SCN2A: variants seen among roughly 807,000 people sequenced by gnomAD.
SCN2A encodes sodium channel protein type 2 subunit alpha.
SCN2A carries 20 observed loss-of-function variants against 188.7 expected under a neutral mutation model. The ratio of observed to expected loss-of-function variants is 0.11; its 90% CI spans 0.07 to 0.15. The LOEUF (loss-of-function observed/expected upper bound fraction) is 0.15. Among genes scored for constraint, SCN2A ranks in the 10% least tolerant of loss-of-function variants. The probability of loss-of-function intolerance (pLI) is 1.00; values close to 1 mark genes in which losing one functional copy is unlikely to be tolerated. For missense variants in SCN2A, 1,278 were observed against 2,445.0 expected, an observed-to-expected ratio of 0.52 and a Z score of 10.07; for synonymous variants, 804 against 833.1, an observed-to-expected ratio of 0.97 and a Z score of 0.60.
At chr2:165,374,588 T>G in intron 21 of SCN2A, 97 bp from the exon 22 acceptor site, 1 of 1,366,238 alleles carries the variant, frequency 7.3e-7, no homozygotes, top group South Asian at 1.2e-5. Flanking sequence ...TGAAACAGAT[T>G]TTTTTAATCA....
chr2:165,257,090 C>T (rs1156739656), intron 1 of SCN2A, among the ~76,000 whole-genome samples: 3 of 152,130 alleles, frequency 2.0e-5, no homozygotes, highest in Admixed American at 6.5e-5. Context: ...TGGGAACTGA[C>T]GCATCATTTC....
Position 165,295,727 on chromosome 2 carries a change from T to G in SCN2A, c.-51-46T>G, listed in dbSNP as rs369106481. The G allele has an allele frequency of 6.1e-5, 95 of 1,569,482 alleles. No homozygotes were observed. The East Asian group carries it at 8.1e-4, about 13-fold the overall frequency. On this transcript the variant is annotated intron_variant, in intron 1 of 26. Coordinates refer to ENST00000375437, the MANE Select transcript of SCN2A (RefSeq NM_001040142.2). Reference sequence around the variant, plus strand: ...GTGTCATGTAACTGACACAATCACCTTTTATTCTAATGGTCATTGCTTTTT... The same window carrying G: ...GTGTCATGTAACTGACACAATCACCGTTTATTCTAATGGTCATTGCTTTTT...
chr2:165,258,402 A>ATTGTTTAT (rs1301119241), intron 1 of SCN2A, among the ~76,000 whole-genome samples: 16 of 152,298 alleles, frequency 1.1e-4, no homozygotes, highest in African/African-American at 3.6e-4. Flanking sequence ...TTATCCCAGC[A>ATTGTTTAT]TTGTTTATTA....
chr2:165,388,175 A>G (rs1701969532), intron 26 of SCN2A, among the ~76,000 whole-genome samples: 1 of 152,130 alleles, frequency 6.6e-6, no homozygotes, highest in East Asian at 1.9e-4. Flanking sequence ...TCCAAAGCCT[A>G]TGTTTTCTTC....
intron 1 of SCN2A, chr2:165,290,800 T>C (rs1485089651): frequency 1.0e-6 from 1 of 984,526 alleles, no homozygotes; most frequent in Non-Finnish European, 1.2e-6. Flanking sequence ...GTATCTTGCC[T>C]GGCCAGTATA....
At chr2:165,344,173 G>T (rs1304110076) in intron 15 of SCN2A, among the ~76,000 whole-genome samples, 1 of 151,984 alleles carries the variant, frequency 6.6e-6, no homozygotes, top group African/African-American at 2.4e-5. Context: ...AAAATTTGGT[G>T]TATCTTATTA....
chr2:165,268,492 T>C (rs1694972005), intron 1 of SCN2A: 1 of 151,928 alleles, frequency 6.6e-6, no homozygotes, highest in Admixed American at 6.6e-5. Flanking sequence ...TATCCCTTTA[T>C]GGTAAAAAAT....
intron 17 of SCN2A, among the ~76,000 whole-genome samples, chr2:165,356,997 G>T (rs1189812628): frequency 6.6e-6 from 1 of 152,180 alleles, no homozygotes; most frequent in Non-Finnish European, 1.5e-5. Flanking sequence ...TTTATTGCTT[G>T]AGTTGTGGAG....
At chr2:165,345,033 C>T (rs550277120) in intron 16 of SCN2A, 122 bp downstream of exon 16, 1 of 1,236,956 alleles carries the variant, frequency 8.1e-7, no homozygotes, top group Non-Finnish European at 1.2e-6. Context: ...GTCTATTACT[C>T]ATGACTGTAA....
intron 16 of SCN2A, among the ~76,000 whole-genome samples, chr2:165,347,178 A>G (rs1699637832): frequency 6.6e-6 from 1 of 152,218 alleles, no homozygotes; most frequent in African/African-American, 2.4e-5. Context: ...AATAGCAAAG[A>G]TTTGGAACCA....
At chr2:165,285,643 C>T (rs922221294) in intron 1 of SCN2A, 3 of 252,284 alleles carry the variant, frequency 1.2e-5, no homozygotes, top group African/African-American at 4.6e-5. Context: ...GGTCAAGAAA[C>T]TGAAGTGGCT....
At chr2:165,267,138 T>A (rs1357076333) in intron 1 of SCN2A, 2 of 152,000 alleles carry the variant, frequency 1.3e-5, no homozygotes. Context: ...ATAATAGATA[T>A]TTTTTAAATC....
At chr2:165,369,202 G>A (rs1188630613) in intron 19 of SCN2A, among the ~76,000 whole-genome samples, 1 of 152,078 alleles carries the variant, frequency 6.6e-6, no homozygotes, top group East Asian at 1.9e-4. Flanking sequence ...GTGCTGGAAC[G>A]ACGGGCGTGA....
chr2:165,246,662 G>GT (rs961157847), intron 1 of SCN2A, among the ~76,000 whole-genome samples: 25 of 152,064 alleles, frequency 1.6e-4, no homozygotes, highest in African/African-American at 5.8e-4. Context: ...TCCGCTCAGT[G>GT]TTTTTTTGTT....
intron 3 of SCN2A, among the ~76,000 whole-genome samples, chr2:165,303,126 A>G (rs553145596): frequency 2.0e-5 from 3 of 152,196 alleles, no homozygotes; most frequent in Admixed American, 6.5e-5. Flanking sequence ...AAAATAATAT[A>G]GGATGTATGC....
intron 7 of SCN2A, chr2:165,310,850 TA>T (rs1697386337): frequency 4.6e-6 from 1 of 217,942 alleles, no homozygotes; most frequent in Non-Finnish European, 9.0e-6. Flanking sequence ...TATGCCATAT[TA>T]AAAAATGTTT....
At chr2:165,269,134 T>C (rs1378880785) in intron 1 of SCN2A, 1 of 152,044 alleles carries the variant, frequency 6.6e-6, no homozygotes, top group African/African-American at 2.4e-5. Flanking sequence ...AAAATTGCTA[T>C]GTGTCGATTT....
intron 23 of SCN2A, among the ~76,000 whole-genome samples, chr2:165,378,360 CAGAG>C (rs1003619588): frequency 6.7e-6 from 1 of 149,016 alleles, no homozygotes; most frequent in African/African-American, 2.5e-5. Context: ...TTCATAAAAA[CAGAG>C]AGGGAGCAAG....
chr2:165,380,553 G>A (rs1283908029), intron 23 of SCN2A, 39 bp from the exon 24 acceptor site: 13 of 1,467,904 alleles, frequency 8.9e-6, no homozygotes, highest in Admixed American at 1.7e-5. Flanking sequence ...TGTGAAACAA[G>A]TACTAGATAT....
Sources: gnomAD v4.1 joint callset for allele counts (sites outside exome capture counted in the v4.1 genomes callset) on GRCh38, gnomAD v4.1.1 for gene constraint, MANE v1.5 for transcripts, NCBI Gene and HGNC (gene_info 2026-07-23, HGNC 2026-07-21) for gene names.